SLC9A7: variants seen among roughly 807,000 people sequenced by gnomAD.
SLC9A7 encodes sodium/hydrogen exchanger 7.
A neutral mutation model predicts 52.6 loss-of-function variants in SLC9A7; 19 were observed. The ratio of observed to expected loss-of-function variants is 0.36; its 90% CI spans 0.25 to 0.53. The LOEUF (loss-of-function observed/expected upper bound fraction) is 0.53. Among genes scored for constraint, SLC9A7 ranks in the 20% least tolerant of loss-of-function variants. The probability of loss-of-function intolerance (pLI) is 0.91; values close to 1 mark genes in which losing one functional copy is unlikely to be tolerated. For synonymous variants in SLC9A7, 226 were observed against 252.1 expected, an observed-to-expected ratio of 0.90 and a Z score of 0.98; for missense variants, 455 against 597.9, an observed-to-expected ratio of 0.76 and a Z score of 2.49.
intron 16 of SLC9A7, 148 bp downstream of exon 16, chrX:46,613,141 C>G: frequency 2.9e-6 from 1 of 349,720 alleles, no homozygotes; most frequent in East Asian, 4.3e-5. Flanking sequence ...AATCTATAAA[C>G]ATATGGAAGA....
At chrX:46,680,557 T>G (rs1569516557) in intron 2 of SLC9A7, among the ~76,000 whole-genome samples, 1 of 111,292 alleles carries the variant, frequency 9.0e-6, no homozygotes, top group Non-Finnish European at 1.9e-5. Context: ...GTGATGTTAG[T>G]GGCTCCTGAA....
At chrX:46,644,535 G>A (rs1451811523) in intron 11 of SLC9A7, among the ~76,000 whole-genome samples, 1 of 110,272 alleles carries the variant, frequency 9.1e-6, no homozygotes, top group Non-Finnish European at 1.9e-5. Context: ...TACTTGGGAG[G>A]CTGAGGTGGG....
chrX:46,662,005 A>C lies in SLC9A7; in HGVS notation c.1041+11T>G, dbSNP rs1323932102. ...ATACCCAGGCCCGAGCTGAAACTACAAAAAGGATATTAGAGCAGTCACAAC... is the reference window on the plus strand; with the variant it reads ...ATACCCAGGCCCGAGCTGAAACTACCAAAAGGATATTAGAGCAGTCACAAC... On this transcript the variant is annotated intron_variant, in intron 7 of 16. Coordinates refer to ENST00000616978, the MANE Select transcript of SLC9A7 (RefSeq NM_001257291.2). 2 of 1,182,287 alleles carry C rather than the reference A, an allele frequency of 1.7e-6. No homozygotes were observed. Among genetic ancestry groups the C allele is most frequent in the Non-Finnish European group, 2.3e-6 (2 of 880,234 alleles).
intron 5 of SLC9A7, among the ~76,000 whole-genome samples, chrX:46,667,982 TG>T (rs1218553930): frequency 8.9e-6 from 1 of 112,014 alleles, no homozygotes; most frequent in Non-Finnish European, 1.9e-5. Flanking sequence ...GGCAAGGGAT[TG>T]ATGAATAGAA....
At chrX:46,661,077 A>G (rs1420946381) in intron 7 of SLC9A7, among the ~76,000 whole-genome samples, 3 of 111,613 alleles carry the variant, frequency 2.7e-5, no homozygotes, top group Non-Finnish European at 5.7e-5. Context: ...TTGTAGGGAC[A>G]TGGATGAAAC....
At chrX:46,699,714 G>A (rs1445698895) in intron 1 of SLC9A7, among the ~76,000 whole-genome samples, 1 of 111,700 alleles carries the variant, frequency 9.0e-6, no homozygotes, top group Non-Finnish European at 1.9e-5. Context: ...AACTGCTTCA[G>A]TTTGGTAGAG....
At chrX:46,748,414 A>AG (rs1556284497) in intron 1 of SLC9A7, among the ~76,000 whole-genome samples, 2 of 96,449 alleles carry the variant, frequency 2.1e-5, no homozygotes, top group African/African-American at 7.1e-5. Context: ...GAAGGAAGGA[A>AG]GGACAGACAG....
intron 1 of SLC9A7, among the ~76,000 whole-genome samples, chrX:46,686,722 A>T (rs1294333116): frequency 8.9e-6 from 1 of 112,187 alleles, no homozygotes; most frequent in Non-Finnish European, 1.9e-5. Flanking sequence ...TCACAAAGAG[A>T]AATAACCTAC....
At position 46,651,296 on chromosome X, in the gene SLC9A7, G is replaced by A; in HGVS notation, c.1236+20C>T. On this transcript the variant is annotated intron_variant, in intron 9 of 16. Coordinates refer to ENST00000616978, the MANE Select transcript of SLC9A7 (RefSeq NM_001257291.2). Reference sequence around the variant, plus strand: ...CCCTGTGTTAACAAGCAACTCGTGAGTACCAAGCCTCTCTCTCACCTGCTT... The same window carrying A: ...CCCTGTGTTAACAAGCAACTCGTGAATACCAAGCCTCTCTCTCACCTGCTT... The A allele has an allele frequency of 1.7e-6, 2 of 1,198,757 alleles. No individual in the cohort carries two copies. The highest frequency in any genetic ancestry group is 1.8e-5 in the South Asian group (1 of 56,549).
chrX:46,752,941 C>T (rs1476118985), intron 1 of SLC9A7, among the ~76,000 whole-genome samples: 1 of 112,100 alleles, frequency 8.9e-6, no homozygotes, highest in African/African-American at 3.2e-5. Flanking sequence ...CTAATTACAG[C>T]GTTCCACAAA....
intron 1 of SLC9A7, among the ~76,000 whole-genome samples, chrX:46,719,125 T>G (rs1270853732): frequency 1.8e-5 from 2 of 109,972 alleles, no homozygotes; most frequent in Non-Finnish European, 3.8e-5. Context: ...ATAAAAAGGA[T>G]GAGTTCCTAT....
intron 7 of SLC9A7, 41 bp downstream of exon 7, chrX:46,661,975 C>G: frequency 8.9e-7 from 1 of 1,119,970 alleles, no homozygotes. Context: ...TAATGCCACA[C>G]ACGCATACCC....
At chrX:46,675,013 A>G (rs890263702) in intron 3 of SLC9A7, among the ~76,000 whole-genome samples, 1 of 106,827 alleles carries the variant, frequency 9.4e-6, no homozygotes, top group Non-Finnish European at 1.9e-5. Flanking sequence ...GTTATTGTAT[A>G]TGTGTGTGTG....
At chrX:46,673,946 T>C (rs1315930951) in intron 3 of SLC9A7, among the ~76,000 whole-genome samples, 2 of 112,494 alleles carry the variant, frequency 1.8e-5, no homozygotes, top group African/African-American at 6.5e-5. Flanking sequence ...GCCTCTTAAA[T>C]AACCGCCTTT....
At position 46,618,033 on chromosome X, in the gene SLC9A7, A is replaced by G. The variant is rs1382759117; in HGVS notation, c.1823+2944T>C. Among the ~76,000 whole-genome samples the G allele has an allele frequency of 2.7e-5, 3 of 111,543 alleles. No homozygotes were observed. The East Asian group carries it at 8.4e-4, about 31-fold the overall frequency. On this transcript the variant is annotated intron_variant, in intron 15 of 16. Transcript: ENST00000616978. Reference sequence around the variant, plus strand: ...ATCTGCTTGAAGGCTTCAGAAAGCTACCAAGGCAGTGAAGAGGGGTGGAAT... The same window carrying G: ...ATCTGCTTGAAGGCTTCAGAAAGCTGCCAAGGCAGTGAAGAGGGGTGGAAT...
chrX:46,669,923 T>A (rs771568963), intron 4 of SLC9A7, among the ~76,000 whole-genome samples: 1,704 of 112,353 alleles, frequency 0.015, 31 homozygotes, highest in African/African-American at 0.041. Flanking sequence ...TGCTGAAATA[T>A]CTGAACATTT....
intron 12 of SLC9A7, among the ~76,000 whole-genome samples, chrX:46,641,574 T>C (rs1278646036): frequency 8.9e-6 from 1 of 112,069 alleles, no homozygotes; most frequent in Non-Finnish European, 1.9e-5. Flanking sequence ...GATGGTACCA[T>C]CTTATGTCTT....
At chrX:46,626,589 T>G (rs1943133605) in intron 14 of SLC9A7, among the ~76,000 whole-genome samples, 1 of 112,798 alleles carries the variant, frequency 8.9e-6, no homozygotes, top group Admixed American at 9.3e-5. Flanking sequence ...CCTGGTATGT[T>G]TGGGCTCTGT....
At chrX:46,672,752 A>T in intron 3 of SLC9A7, 125 bp from the exon 4 acceptor site, 1 of 479,371 alleles carries the variant, frequency 2.1e-6, no homozygotes, top group Non-Finnish European at 3.5e-6. Flanking sequence ...ATCAAGTAAC[A>T]ACTGAAGTTA....
Sources: allele counts gnomAD v4.1 joint callset (sites outside exome capture counted in the v4.1 genomes callset), GRCh38; gene constraint gnomAD v4.1.1; transcripts MANE v1.5; gene names NCBI Gene and HGNC (gene_info 2026-07-23, HGNC 2026-07-21).